Variants in KRTAP13-1 observed in about 807,000 individuals in gnomAD.
KRTAP13-1 encodes the protein keratin-associated protein 13-1.
For missense variants in KRTAP13-1, 200 were observed against 204.8 expected, an observed-to-expected ratio of 0.98 and a Z score of 0.14; for synonymous variants, 104 against 85.3, an observed-to-expected ratio of 1.22 and a Z score of -1.21.
chr21:30,396,266 C>T lies in KRTAP13-1; in HGVS notation c.180C>T (p.Cys60=). Residue 60 remains cysteine (C), a synonymous_variant, in exon 1 of 1, where the codon TGC becomes TGT. Transcript: ENST00000355459. ...TCTATAGGGGCTGTCAGCAGACCTG[C>T]TGGGAGCCCACCAGCTGCCAGACAT... The part of the protein sequence containing the change: ...SSLYRGCQQT[C]WEPTSCQTSY... 6.2e-7 allele frequency: 1 copy of T among 1,614,206 alleles called. No individual in the cohort carries two copies. Among genetic ancestry groups the T allele is most frequent in the Non-Finnish European group, 8.5e-7 (1 of 1,180,026 alleles).
Position 30,396,794 on chromosome 21 carries a change from C to T in KRTAP13-1, c.*189C>T. 1.7e-6 allele frequency: 1 copy of T among 574,096 alleles called. No individual in the cohort carries two copies. Among genetic ancestry groups the T allele is most frequent in the South Asian group, 2.7e-5 (1 of 37,358 alleles). 35.6% of individuals were successfully genotyped at this position (574,096 alleles called of 1,614,324 possible). A position where few individuals can be genotyped will look rare whatever the true frequency, so the allele number is the denominator to read the frequency against. ...AAAAACTGTAATTGGAGAACTAGCT[C>T]AAAATAAATCTTGAAATACACATTA... On this transcript the variant is annotated 3_prime_UTR_variant, in exon 1 of 1. Transcript: ENST00000355459.
chr21:30,396,620 T>G lies in KRTAP13-1; in HGVS notation c.*15T>G. 8 of 1,611,034 alleles carry G rather than the reference T, an allele frequency of 5.0e-6. No homozygotes were observed. The highest frequency in any genetic ancestry group is 6.8e-6 in the Non-Finnish European group (8 of 1,178,392). The stretch of plus-strand genomic sequence containing the variant: ...TCTACTATTGATCATCTTGTTAAAT[T>G]GCTGATTTTGTTGGCTAATGCCTTC... On this transcript the variant is annotated 3_prime_UTR_variant, in exon 1 of 1. Transcript: ENST00000355459.
chr21:30,396,427 C>A, the KRTAP13-1 span: 2 of 1,614,046 alleles, frequency 1.2e-6, no homozygotes, highest in African/African-American at 2.7e-5. Context: ...GGCTATGGAT[C>A]GAGGAGCTGC....
chr21:30,396,516 GT>G, the KRTAP13-1 span: 10 of 1,614,060 alleles, frequency 6.2e-6, no homozygotes, highest in Non-Finnish European at 8.5e-6. Flanking sequence ...GGGCTATGGC[GT>G]TGGATTCTGC....
Position 30,396,279 on chromosome 21 carries a change from A to G in KRTAP13-1, c.193A>G (p.Ser65Gly), listed in dbSNP as rs1983513573. 1.2e-6 allele frequency: 2 copies of G among 1,614,058 alleles called. No individual in the cohort carries two copies. The highest frequency in any genetic ancestry group is 1.3e-5 in the African/African-American group (1 of 74,946). Residue 65 changes from serine to glycine, a missense_variant, in exon 1 of 1, where the codon AGC becomes GGC. Ser to Gly is a moderately conservative substitution (Grantham distance 56). Transcript: ENST00000355459. ...GCQQTCWEPTSCQTSYVESSP... is the reference protein window; with the variant it reads ...GCQQTCWEPTGCQTSYVESSP... ...TCAGCAGACCTGCTGGGAGCCCACCAGCTGCCAGACATCCTATGTGGAGTC... is the reference window on the plus strand; with the variant it reads ...TCAGCAGACCTGCTGGGAGCCCACCGGCTGCCAGACATCCTATGTGGAGTC...
rs761244916 is a variant in KRTAP13-1, at chr21:30,396,377, T to C, written c.291T>C (p.Ser97=). The C allele has an allele frequency of 9.9e-6, 16 of 1,614,194 alleles. No homozygotes were observed. In the Middle Eastern group the frequency reaches 8.2e-4, roughly 83 times the overall value. Residue 97 remains serine, a synonymous_variant, in exon 1 of 1, where the codon TCT becomes TCC. Transcript: ENST00000355459. ...GCAGTCCCTGCCAGACAACTTACTC[T>C]GGGTCTCTAGGCTTTGGATCCAGCA... is the stretch of plus-strand genomic sequence containing the variant. ...LLCSPCQTTY[S]GSLGFGSSSC... is the part of the protein sequence containing the mutation.
Position 30,396,658 on chromosome 21 carries a change from C to T in KRTAP13-1, c.*53C>T. 1 of 1,482,334 alleles carries T rather than the reference C, an allele frequency of 6.7e-7. No homozygotes were observed. The highest frequency in any genetic ancestry group is 9.3e-7 in the Non-Finnish European group (1 of 1,076,414). The allele number at this position is 1,482,334 out of a possible 1,614,324, so 91.8% of individuals were successfully genotyped here. A position where few individuals can be genotyped will look rare whatever the true frequency, so the allele number is the denominator to read the frequency against. On this transcript the variant is annotated 3_prime_UTR_variant, in exon 1 of 1. Coordinates refer to ENST00000355459, the MANE Select transcript of KRTAP13-1 (RefSeq NM_181599.3). ...GGCTAATGCCTTCAATGCCTCTACT[C>T]ATAACCTTTATTGTCTTCATCATGT...
chr21:30,396,608 A>C lies in KRTAP13-1; in HGVS notation c.*3A>C. The C allele has an allele frequency of 3.7e-6, 6 of 1,612,008 alleles. No individual in the cohort carries two copies. The highest frequency in any genetic ancestry group is 4.2e-6 in the Non-Finnish European group (5 of 1,178,964). ...GTGGATCAGGCTTCTACTATTGATCATCTTGTTAAATTGCTGATTTTGTTG... is the reference window on the plus strand; with the variant it reads ...GTGGATCAGGCTTCTACTATTGATCCTCTTGTTAAATTGCTGATTTTGTTG... On this transcript the variant is annotated 3_prime_UTR_variant, in exon 1 of 1. Coordinates refer to ENST00000355459, the MANE Select transcript of KRTAP13-1 (RefSeq NM_181599.3).
At position 30,396,230 on chromosome 21, in the gene KRTAP13-1, G is replaced by A. The variant is rs750325857; in HGVS notation, c.144G>A (p.Leu48=). The A allele has an allele frequency of 1.2e-6, 2 of 1,614,138 alleles. No homozygotes were observed. The highest frequency in any genetic ancestry group is 1.7e-6 in the Non-Finnish European group (2 of 1,179,998). Reference sequence around the variant, plus strand: ...TCTGCTCTCCCAGCACGTGCCAGCTGGGTTCCTCTCTCTATAGGGGCTGTC... The same window carrying A: ...TCTGCTCTCCCAGCACGTGCCAGCTAGGTTCCTCTCTCTATAGGGGCTGTC... The part of the protein sequence containing the change: ...TDLCSPSTCQ[L]GSSLYRGCQQ... The change falls in exon 1 of 1, where the codon CTG becomes CTA. Residue 48 remains leucine, a synonymous_variant. Coordinates refer to ENST00000355459, the MANE Select transcript of KRTAP13-1 (RefSeq NM_181599.3).
Position 30,396,244 on chromosome 21 carries a change from A to T in KRTAP13-1, c.158A>T (p.Tyr53Phe). ...PSTCQLGSSL[Y>F]RGCQQTCWEP... is the part of the protein sequence containing the mutation. ...ACGTGCCAGCTGGGTTCCTCTCTCT[A>T]TAGGGGCTGTCAGCAGACCTGCTGG... Residue 53 changes from tyrosine (Y) to phenylalanine (F), a missense_variant, in exon 1 of 1, where the codon TAT becomes TTT. Tyr to Phe is a conservative substitution (Grantham distance 22). Transcript: ENST00000355459. The T allele has an allele frequency of 6.2e-7, 1 of 1,613,982 alleles. No homozygotes were observed. Among genetic ancestry groups the T allele is most frequent in the South Asian group, 1.1e-5 (1 of 91,076 alleles).
chr21:30,396,510 T>G lies in KRTAP13-1; in HGVS notation c.424T>G (p.Tyr142Asp). The G allele has an allele frequency of 6.2e-7, 1 of 1,614,242 alleles. No individual in the cohort carries two copies. Among genetic ancestry groups the G allele is most frequent in the Non-Finnish European group, 8.5e-7 (1 of 1,180,038 alleles). The change falls in exon 1 of 1, where the codon TAT (tyrosine) becomes GAT (aspartate). Residue 142 changes from tyrosine to aspartate, a missense_variant. Coordinates refer to ENST00000355459, the MANE Select transcript of KRTAP13-1 (RefSeq NM_181599.3). ...YGGCGFPSLGYGVGFCRPTYL... is the reference protein window; with the variant it reads ...YGGCGFPSLGDGVGFCRPTYL... ...AGGCTGTGGCTTCCCTTCCCTGGGCTATGGCGTTGGATTCTGCCGCCCAAC... is the reference window on the plus strand; with the variant it reads ...AGGCTGTGGCTTCCCTTCCCTGGGCGATGGCGTTGGATTCTGCCGCCCAAC...
Position 30,396,032 on chromosome 21 carries a change from T to G in KRTAP13-1, c.-55T>G. On this transcript the variant is annotated 5_prime_UTR_variant, in exon 1 of 1. The change abolishes an upstream ATG in the 5' untranslated region. Coordinates refer to ENST00000355459, the MANE Select transcript of KRTAP13-1 (RefSeq NM_181599.3). ...TAAATGGTCCTGTCCAGATGTGGCA[T>G]GCAAACTCAGAATCTTCTCAGTGTA... 1 of 1,561,542 alleles carries G rather than the reference T, an allele frequency of 6.4e-7. No individual in the cohort carries two copies. The highest frequency in any genetic ancestry group is 1.2e-5 in the South Asian group (1 of 82,026).
chr21:30,396,697 G>A lies in KRTAP13-1; in HGVS notation c.*92G>A, dbSNP rs1246069546. On this transcript the variant is annotated 3_prime_UTR_variant, in exon 1 of 1. Coordinates refer to ENST00000355459, the MANE Select transcript of KRTAP13-1 (RefSeq NM_181599.3). ...TCTTCATCATGTACAGAAAGAATTA[G>A]CCTCTTATTCTATAATTATCAAGTT... The A allele has an allele frequency of 3.4e-6, 4 of 1,192,368 alleles. No individual in the cohort carries two copies. The highest frequency in any genetic ancestry group is 3.1e-5 in the African/African-American group (2 of 65,166). The allele number at this position is 1,192,368 out of a possible 1,614,324, so 73.9% of individuals were successfully genotyped here.
rs1362299739 is a variant in KRTAP13-1, at chr21:30,396,664, C to A, written c.*59C>A. ...TGCCTTCAATGCCTCTACTCATAAC[C>A]TTTATTGTCTTCATCATGTACAGAA... On this transcript the variant is annotated 3_prime_UTR_variant, in exon 1 of 1. Transcript: ENST00000355459. The A allele has an allele frequency of 2.0e-5, 28 of 1,421,048 alleles. No homozygotes were observed. Among genetic ancestry groups the A allele is most frequent in the Non-Finnish European group, 2.7e-5 (28 of 1,031,666 alleles). 88.0% of individuals were successfully genotyped at this position (1,421,048 alleles called of 1,614,324 possible).
At position 30,396,123 on chromosome 21, in the gene KRTAP13-1, C is replaced by A. The variant is rs370480205; in HGVS notation, c.37C>A (p.Arg13Ser). 5.1e-5 allele frequency: 83 copies of A among 1,613,580 alleles called. No homozygotes were observed. Among genetic ancestry groups the A allele is most frequent in the Non-Finnish European group, 6.8e-5 (80 of 1,179,814 alleles). The change falls in exon 1 of 1, where the codon CGC (arginine) becomes AGC (serine). Residue 13 changes from arginine (R) to serine (S), a missense_variant. Transcript: ENST00000355459. ...CTGCTGCTCTGGAAACTTCTCCTCCCGCTCCTGTGGTGGCTACCTGCACTA... is the reference window on the plus strand; with the variant it reads ...CTGCTGCTCTGGAAACTTCTCCTCCAGCTCCTGTGGTGGCTACCTGCACTA... ...YNCCSGNFSS[R>S]SCGGYLHYPA...
In KRTAP13-1 at chr21:30,396,648, T is replaced by G; in HGVS notation, c.*43T>G. ...TGATTTTGTTGGCTAATGCCTTCAA[T>G]GCCTCTACTCATAACCTTTATTGTC... On this transcript the variant is annotated 3_prime_UTR_variant, in exon 1 of 1. Coordinates refer to ENST00000355459, the MANE Select transcript of KRTAP13-1 (RefSeq NM_181599.3). 6.5e-7 allele frequency: 1 copy of G among 1,546,810 alleles called. No individual in the cohort carries two copies. The highest frequency in any genetic ancestry group is 8.9e-7 in the Non-Finnish European group (1 of 1,125,456).
Position 30,396,752 on chromosome 21 carries a change from C to A in KRTAP13-1, c.*147C>A. 1.3e-6 allele frequency: 1 copy of A among 751,240 alleles called. No individual in the cohort carries two copies. The highest frequency in any genetic ancestry group is 2.1e-6 in the Non-Finnish European group (1 of 475,580). 46.5% of individuals were successfully genotyped at this position (751,240 alleles called of 1,614,324 possible). ...GTTTGTCTTTGTCCCCAAATACTGGCTGGCAGGCTTCATCTGAAAAACTGT... is the reference window on the plus strand; with the variant it reads ...GTTTGTCTTTGTCCCCAAATACTGGATGGCAGGCTTCATCTGAAAAACTGT... On this transcript the variant is annotated 3_prime_UTR_variant, in exon 1 of 1. Transcript: ENST00000355459.
rs1343705537 is a variant in KRTAP13-1 at position 30,396,602 on chromosome 21, T to C, written c.516T>C (p.Tyr172=). The C allele has an allele frequency of 5.6e-6, 9 of 1,612,538 alleles. No individual in the cohort carries two copies. Among genetic ancestry groups the C allele is most frequent in the South Asian group, 1.1e-5 (1 of 90,980 alleles). The change falls in exon 1 of 1, where the codon TAT becomes TAC. Residue 172 remains tyrosine (Y), a synonymous_variant. Coordinates refer to ENST00000355459, the MANE Select transcript of KRTAP13-1 (RefSeq NM_181599.3). ...CAACTTGTGGATCAGGCTTCTACTA[T>C]TGATCATCTTGTTAAATTGCTGATT... ...YRPTCGSGFY[Y]
Position 30,396,605 on chromosome 21 carries a change from A to C in KRTAP13-1, c.519A>C (p.Ter173CysextTer4). ...CTTGTGGATCAGGCTTCTACTATTGATCATCTTGTTAAATTGCTGATTTTG... is the reference window on the plus strand; with the variant it reads ...CTTGTGGATCAGGCTTCTACTATTGCTCATCTTGTTAAATTGCTGATTTTG... ...RPTCGSGFYY[*>C] Residue 173 changes from the stop codon to cysteine (C), a stop_lost, in exon 1 of 1, where the codon TGA (stop) becomes TGC (cysteine). Transcript: ENST00000355459. The C allele has an allele frequency of 6.2e-7, 1 of 1,612,518 alleles. No individual in the cohort carries two copies. The highest frequency in any genetic ancestry group is 1.1e-5 in the South Asian group (1 of 90,962).
Sources: gnomAD v4.1 joint callset for allele counts on GRCh38, gnomAD v4.1.1 for gene constraint, MANE v1.5 for transcripts, NCBI Gene and HGNC (gene_info 2026-07-23, HGNC 2026-07-21) for gene names.